The following TRPM3 variants were observed in gnomAD, a reference collection of about 807,000 sequenced individuals.
TRPM3 encodes the protein long transient receptor potential channel 3.
In TRPM3, 77 loss-of-function variants were observed where a neutral mutation model predicts 181.2. The observed-to-expected ratio is 0.42, with a 90% confidence interval of 0.35 to 0.51. TRPM3 has a LOEUF of 0.51. Among genes scored for constraint, TRPM3 ranks in the 20% least tolerant of loss-of-function variants. The pLI is 0.01. For missense variants in TRPM3, 1,759 were observed against 2,196.7 expected (o/e 0.80, Z 3.98); for synonymous variants, 745 against 796.4 (o/e 0.94, Z 1.09).
intron 1 of TRPM3, among the ~76,000 whole-genome samples, chr9:71,258,171 C>T (rs1565392960): frequency 6.6e-6 from 1 of 152,046 alleles, no homozygotes; most frequent in Non-Finnish European, 1.5e-5. Context: ...ATTTATGTAC[C>T]AGGCTCTTTG....
chr9:70,697,201 T>A (rs4745025), intron 8 of TRPM3, among the ~76,000 whole-genome samples: 1 of 152,056 alleles, frequency 6.6e-6, no homozygotes, highest in Admixed American at 6.6e-5. Flanking sequence ...ACGTAAAACT[T>A]CATTTTCTGA....
chr9:71,244,817 A>G (rs1292092313), intron 1 of TRPM3, among the ~76,000 whole-genome samples: 3 of 152,186 alleles, frequency 2.0e-5, no homozygotes, highest in Admixed American at 2.0e-4. Flanking sequence ...AGGCTACAAT[A>G]AAAAGCAGGA....
chr9:71,289,462 T>C (rs1396224294), intron 1 of TRPM3, among the ~76,000 whole-genome samples: 1 of 152,260 alleles, frequency 6.6e-6, no homozygotes, highest in East Asian at 1.9e-4. Context: ...TTATTCCAAA[T>C]GTAGCACTGA....
chr9:71,409,863 G>A (rs1391108572), intron 1 of TRPM3, among the ~76,000 whole-genome samples: 1 of 152,126 alleles, frequency 6.6e-6, no homozygotes, highest in Non-Finnish European at 1.5e-5. Context: ...TGGAAGTGAA[G>A]CACTCCTCAG....
chr9:70,685,074 C>A (rs2066423230), intron 8 of TRPM3, among the ~76,000 whole-genome samples: 1 of 152,142 alleles, frequency 6.6e-6, no homozygotes, highest in African/African-American at 2.4e-5. Context: ...TTCTGCCTCT[C>A]ATTGACTCAA....
At chr9:71,200,795 A>T (rs1024259837) in intron 1 of TRPM3, among the ~76,000 whole-genome samples, 2 of 152,040 alleles carry the variant, frequency 1.3e-5, no homozygotes, top group African/African-American at 2.4e-5. Flanking sequence ...TTACCTGAAT[A>T]CAGCACACTG....
At chr9:70,981,408 GAGAT>G (rs1262088082) in intron 1 of TRPM3, among the ~76,000 whole-genome samples, 2 of 152,192 alleles carry the variant, frequency 1.3e-5, no homozygotes, top group Admixed American at 1.3e-4. Context: ...AGCTGGAAAG[GAGAT>G]AGAAGACATG....
At chr9:71,316,844 A>C (rs748427794) in intron 1 of TRPM3, among the ~76,000 whole-genome samples, 1 of 152,156 alleles carries the variant, frequency 6.6e-6, no homozygotes, top group African/African-American at 2.4e-5. Context: ...GATATCACTC[A>C]TAAGAATTAA....
At chr9:70,811,186 G>T in intron 6 of TRPM3, 3 of 1,611,854 alleles carry the variant, frequency 1.9e-6, no homozygotes, top group Non-Finnish European at 2.5e-6. Flanking sequence ...AGTCTAACTG[G>T]CAACTACCCC....
intron 1 of TRPM3, among the ~76,000 whole-genome samples, chr9:70,962,183 C>G (rs2097142787): frequency 6.6e-6 from 1 of 152,080 alleles, no homozygotes; most frequent in Admixed American, 6.6e-5. Context: ...TATGTGGCCT[C>G]CAAGCTCCTG....
At chr9:71,000,080 T>C (rs1199096069) in intron 1 of TRPM3, among the ~76,000 whole-genome samples, 1 of 152,100 alleles carries the variant, frequency 6.6e-6, no homozygotes, top group Non-Finnish European at 1.5e-5. Flanking sequence ...CTGACCCAAA[T>C]TGTGACTTCT....
chr9:71,189,871 A>C (rs1351289537), intron 1 of TRPM3, among the ~76,000 whole-genome samples: 1 of 151,862 alleles, frequency 6.6e-6, no homozygotes, highest in African/African-American at 2.4e-5. Context: ...TGTGGTTTTC[A>C]AATCTTCTAT....
At chr9:70,792,565 A>C (rs2085736298) in intron 6 of TRPM3, among the ~76,000 whole-genome samples, 1 of 151,912 alleles carries the variant, frequency 6.6e-6, no homozygotes, top group East Asian at 1.9e-4. Context: ...TCTGTGAAAG[A>C]GAGGAAGAGA....
At chr9:70,968,800 G>A (rs2097210193) in intron 1 of TRPM3, among the ~76,000 whole-genome samples, 2 of 152,128 alleles carry the variant, frequency 1.3e-5, no homozygotes, top group Admixed American at 6.5e-5. Flanking sequence ...GGGAAAACTG[G>A]CTAGCCATAT....
chr9:70,556,645 C>G (rs1392617012), intron 22 of TRPM3, among the ~76,000 whole-genome samples: 2 of 152,130 alleles, frequency 1.3e-5, no homozygotes, highest in Non-Finnish European at 1.5e-5. Flanking sequence ...TTGCTTGAAC[C>G]TGGAATGTGG....
intron 1 of TRPM3, among the ~76,000 whole-genome samples, chr9:71,108,712 GC>G (rs1241890835): frequency 2.0e-5 from 3 of 152,138 alleles, no homozygotes; most frequent in African/African-American, 7.2e-5. Flanking sequence ...AGACTCCAGG[GC>G]CCCGTAACAG....
At chr9:71,332,379 GTGTGTGTGT>G (rs2090266812) in intron 1 of TRPM3, among the ~76,000 whole-genome samples, 3 of 127,542 alleles carry the variant, frequency 2.4e-5, no homozygotes, top group African/African-American at 1.2e-4. Flanking sequence ...AATGTTGGGT[GTGTGTGTGT>G]GTGTGTGTGT....
chr9:70,803,764 T>C (rs2089951985), intron 6 of TRPM3, among the ~76,000 whole-genome samples: 1 of 148,146 alleles, frequency 6.8e-6, no homozygotes, highest in African/African-American at 2.6e-5. Flanking sequence ...TCCCCTTTTT[T>C]ACCTATAGCA....
intron 22 of TRPM3, among the ~76,000 whole-genome samples, chr9:70,555,717 C>G (rs1335754459): frequency 6.6e-6 from 1 of 152,178 alleles, no homozygotes; most frequent in East Asian, 1.9e-4. Context: ...CTCATGGAAC[C>G]ATTGCTTTGT....
Sources: allele counts gnomAD v4.1 joint callset (sites outside exome capture counted in the v4.1 genomes callset), GRCh38; gene constraint gnomAD v4.1.1; transcripts MANE v1.5; gene names NCBI Gene and HGNC (gene_info 2026-07-23, HGNC 2026-07-21).